CASK: variants seen among roughly 807,000 people sequenced by gnomAD.
CASK encodes the protein peripheral plasma membrane protein CASK.
A neutral mutation model predicts 82.9 loss-of-function variants in CASK; 4 were observed. The ratio of observed to expected loss-of-function variants is 0.05; its 90% CI spans 0.02 to 0.11. The LOEUF is 0.11. CASK is among the 10% of genes least tolerant of loss of function. The pLI, the probability that CASK is intolerant of heterozygous loss-of-function variation, is 1.00. For missense variants in CASK, 358 were observed against 720.9 expected (o/e 0.50, Z 5.76); for synonymous variants, 259 against 253.5 (o/e 1.02, Z -0.20).
chrX:41,776,764 C>T (rs1186980524), intron 3 of CASK, among the ~76,000 whole-genome samples: 1 of 112,321 alleles, frequency 8.9e-6, no homozygotes, highest in African/African-American at 3.2e-5. Context: ...ACATATAAAA[C>T]TTTATTGCAA....
intron 5 of CASK, among the ~76,000 whole-genome samples, chrX:41,703,459 TCTTA>T (rs1269904714): frequency 8.9e-6 from 1 of 112,646 alleles, no homozygotes; most frequent in Admixed American, 9.4e-5. Context: ...ACAAATGGTA[TCTTA>T]CTATTACATT....
intron 3 of CASK, among the ~76,000 whole-genome samples, chrX:41,785,148 A>G (rs1292278534): frequency 9.2e-6 from 1 of 108,148 alleles, no homozygotes; most frequent in East Asian, 2.9e-4. Flanking sequence ...CTGGGACTAC[A>G]GGCGTGTGCC....
intron 3 of CASK, among the ~76,000 whole-genome samples, chrX:41,778,120 T>C (rs1436911795): frequency 8.9e-6 from 1 of 112,242 alleles, no homozygotes; most frequent in East Asian, 2.8e-4. Flanking sequence ...GTGAATGACA[T>C]TTATTTCTGT....
chrX:41,649,896 T>G (rs1262465777), intron 8 of CASK, among the ~76,000 whole-genome samples: 8 of 111,296 alleles, frequency 7.2e-5, no homozygotes, highest in African/African-American at 2.3e-4. Context: ...AAGTCTCTTT[T>G]TAGGTCTCTA....
chrX:41,640,791 C>T (rs928944183), intron 8 of CASK, among the ~76,000 whole-genome samples: 8 of 111,217 alleles, frequency 7.2e-5, no homozygotes, highest in Non-Finnish European at 9.4e-5. Flanking sequence ...ACATATCTGA[C>T]TGTGAACTCT....
intron 1 of CASK, among the ~76,000 whole-genome samples, chrX:41,870,487 G>A (rs1026828774): frequency 4.5e-5 from 5 of 111,793 alleles, no homozygotes; most frequent in African/African-American, 1.6e-4. Flanking sequence ...AAACTACCCC[G>A]GATAGAAAGT....
intron 1 of CASK, among the ~76,000 whole-genome samples, chrX:41,911,193 T>A (rs1030463616): frequency 8.9e-6 from 1 of 112,069 alleles, no homozygotes; most frequent in African/African-American, 3.2e-5. Flanking sequence ...AAAACCCAGT[T>A]AAGAAGATAC....
chrX:41,717,015 A>T (rs962244661), intron 5 of CASK, among the ~76,000 whole-genome samples: 9 of 110,107 alleles, frequency 8.2e-5, no homozygotes, highest in Non-Finnish European at 1.7e-4. Context: ...CGTTGCCCTT[A>T]GTCACTCACT....
At chrX:41,661,281 A>T (rs1219527938) in intron 7 of CASK, among the ~76,000 whole-genome samples, 2 of 110,709 alleles carry the variant, frequency 1.8e-5, no homozygotes, top group African/African-American at 6.6e-5. Context: ...AGAATCATTT[A>T]AAAAAAAATC....
chrX:41,877,281 T>C (rs1246024574), intron 1 of CASK, among the ~76,000 whole-genome samples: 1 of 111,791 alleles, frequency 8.9e-6, no homozygotes, highest in African/African-American at 3.2e-5. Flanking sequence ...TCCAACTCTC[T>C]GGGGCTTCCT....
chrX:41,852,070 CATA>C (rs2071276851), intron 2 of CASK, among the ~76,000 whole-genome samples: 1 of 111,138 alleles, frequency 9.0e-6, no homozygotes, highest in East Asian at 2.8e-4. Flanking sequence ...TAAATCTTAC[CATA>C]ATATTTTAAA....
At chrX:41,591,028 A>C (rs1213984416) in intron 12 of CASK, among the ~76,000 whole-genome samples, 2 of 112,291 alleles carry the variant, frequency 1.8e-5, no homozygotes, top group African/African-American at 6.5e-5. Context: ...AGATTAAATA[A>C]ATAGTATAAG....
chrX:41,743,419 T>C (rs2068628842), intron 4 of CASK: 2 of 249,797 alleles, frequency 8.0e-6, no homozygotes, highest in African/African-American at 2.8e-5. Context: ...GAATGTGCTT[T>C]AGAGAACATT....
chrX:41,589,192 C>A (rs1438607162), intron 13 of CASK, among the ~76,000 whole-genome samples: 1 of 111,997 alleles, frequency 8.9e-6, no homozygotes, highest in African/African-American at 3.2e-5. Context: ...CAAAAAGCAA[C>A]TCAAATTTTT....
At chrX:41,831,977 TAAATAAATAAAA>T (rs1215822595) in intron 2 of CASK, among the ~76,000 whole-genome samples, 4 of 107,300 alleles carry the variant, frequency 3.7e-5, no homozygotes, top group Non-Finnish European at 7.7e-5. Context: ...AATAAATAAA[TAAATAAATAAAA>T]AAGCAACAGT....
chrX:41,854,152 T>G (rs906556288), intron 1 of CASK, among the ~76,000 whole-genome samples: 4 of 109,303 alleles, frequency 3.7e-5, no homozygotes, highest in Non-Finnish European at 1.9e-5. Context: ...GACCTCACAG[T>G]TGAATCAGCT....
intron 2 of CASK, among the ~76,000 whole-genome samples, chrX:41,818,145 CTGTGTGTGTGTGTGTGTG>C (rs59931187): frequency 4.4e-4 from 38 of 85,421 alleles, no homozygotes; most frequent in Non-Finnish European, 6.8e-4. Flanking sequence ...AGGAGGCCTT[CTGTGTGTGTGTGTGTGTG>C]TGTGTGTGTG....
chrX:41,763,485 A>T (rs1228285751), intron 3 of CASK, among the ~76,000 whole-genome samples: 3 of 110,508 alleles, frequency 2.7e-5, no homozygotes, highest in African/African-American at 9.9e-5. Context: ...AACATGGTGA[A>T]ACCCTGTCTC....
At chrX:41,783,548 CAAA>C (rs1181405339) in intron 3 of CASK, among the ~76,000 whole-genome samples, 1 of 51,056 alleles carries the variant, frequency 2.0e-5, no homozygotes, top group Non-Finnish European at 3.8e-5. Context: ...GACTCTGTCT[CAAA>C]AAAAAAAAAA....
Sources: gnomAD v4.1 joint callset for allele counts (sites outside exome capture counted in the v4.1 genomes callset) on GRCh38, gnomAD v4.1.1 for gene constraint, MANE v1.5 for transcripts, NCBI Gene and HGNC (gene_info 2026-07-23, HGNC 2026-07-21) for gene names.